The following MPHOSPH6 variants were observed in gnomAD, a reference collection of about 807,000 sequenced individuals.
The protein encoded by MPHOSPH6 is M-phase phosphoprotein 6.
MPHOSPH6 carries 25 observed loss-of-function variants against 21.8 expected under a neutral mutation model. The ratio of observed to expected loss-of-function variants is 1.15; its 90% confidence interval spans 0.83 to 1.60. MPHOSPH6 has a LOEUF of 1.60. MPHOSPH6 is among the 40% of genes most tolerant of loss of function. MPHOSPH6 has a pLI of 0.00. For missense variants in MPHOSPH6, 269 were observed against 181.8 expected (o/e 1.48, Z -2.76); for synonymous variants, 84 against 56.5 (o/e 1.49, Z -2.18).
chr16:82,149,206 A>C (rs1906183537), intron 4 of MPHOSPH6, 103 bp downstream of exon 4: 1 of 1,174,150 alleles, frequency 8.5e-7, no homozygotes, highest in African/African-American at 1.5e-5. Flanking sequence ...CTACTGGGGG[A>C]CTCCCTTGAA....
chr16:82,158,032 C>G (rs1906484802), intron 2 of MPHOSPH6, among the ~76,000 whole-genome samples: 1 of 152,024 alleles, frequency 6.6e-6, no homozygotes, highest in Non-Finnish European at 1.5e-5. Context: ...ACCAGACTAC[C>G]CTGGTAGTTA....
chr16:82,155,481 C>T (rs979578198), intron 2 of MPHOSPH6, among the ~76,000 whole-genome samples: 1 of 152,182 alleles, frequency 6.6e-6, no homozygotes, highest in Non-Finnish European at 1.5e-5. Context: ...CAACGTACAA[C>T]CTTCAATTTC....
At chr16:82,159,835 C>T (rs1906551602) in intron 2 of MPHOSPH6, among the ~76,000 whole-genome samples, 1 of 152,182 alleles carries the variant, frequency 6.6e-6, no homozygotes, top group Non-Finnish European at 1.5e-5. Context: ...TTCAGAACCG[C>T]CTCTCCCTGA....
intron 1 of MPHOSPH6, among the ~76,000 whole-genome samples, chr16:82,168,771 C>T (rs10514533): frequency 0.012 from 1,857 of 152,204 alleles, 55 homozygotes; most frequent in African/African-American, 0.043. Flanking sequence ...TGCGAATGGC[C>T]TATCTTTCAA....
At chr16:82,166,527 A>G (rs2142419936) in intron 1 of MPHOSPH6, among the ~76,000 whole-genome samples, 1 of 152,304 alleles carries the variant, frequency 6.6e-6, no homozygotes, top group African/African-American at 2.4e-5. Flanking sequence ...CAACACTGGA[A>G]TATTGTTCAC....
intron 2 of MPHOSPH6, among the ~76,000 whole-genome samples, chr16:82,155,683 C>A (rs943401973): frequency 1.3e-5 from 2 of 152,108 alleles, no homozygotes; most frequent in Admixed American, 1.3e-4. Context: ...GTGGGCAGAT[C>A]ACTTGAGGTC....
chr16:82,157,378 C>G (rs1339416713), intron 2 of MPHOSPH6, among the ~76,000 whole-genome samples: 1 of 152,208 alleles, frequency 6.6e-6, no homozygotes, highest in Non-Finnish European at 1.5e-5. Context: ...ATTTTGCTGA[C>G]ACAGTTAAGC....
intron 2 of MPHOSPH6, among the ~76,000 whole-genome samples, chr16:82,162,888 C>G (rs904946262): frequency 5.3e-5 from 8 of 152,170 alleles, no homozygotes; most frequent in African/African-American, 1.9e-4. Context: ...AAGATAGAAA[C>G]AGTCCTGCTC....
intron 2 of MPHOSPH6, among the ~76,000 whole-genome samples, chr16:82,157,840 C>A (rs964009876): frequency 9.9e-5 from 15 of 152,176 alleles, no homozygotes; most frequent in Non-Finnish European, 1.6e-4. Context: ...GGGAATCTAA[C>A]CTGCCTGAGA....
chr16:82,155,830 G>A (rs1329158793), intron 2 of MPHOSPH6, among the ~76,000 whole-genome samples: 8 of 151,952 alleles, frequency 5.3e-5, no homozygotes, highest in Admixed American at 1.3e-4. Flanking sequence ...GCCTGAACCC[G>A]GGAGGTGGAG....
chr16:82,153,222 A>G (rs1223466678), intron 2 of MPHOSPH6, among the ~76,000 whole-genome samples: 3 of 152,258 alleles, frequency 2.0e-5, no homozygotes, highest in Non-Finnish European at 4.4e-5. Context: ...AAACATTTAT[A>G]TCACACAATG....
chr16:82,166,187 A>G (rs1352201190), intron 1 of MPHOSPH6, among the ~76,000 whole-genome samples: 1 of 152,216 alleles, frequency 6.6e-6, no homozygotes, highest in Non-Finnish European at 1.5e-5. Context: ...ATCCCTGTAC[A>G]CTTTTTGCAA....
intron 1 of MPHOSPH6, among the ~76,000 whole-genome samples, chr16:82,165,293 T>C (rs1472471540): frequency 6.6e-6 from 1 of 151,556 alleles, no homozygotes; most frequent in African/African-American, 2.4e-5. Context: ...ACCCAGCTAA[T>C]TTTTCTGTTT....
rs572737488 is a variant in MPHOSPH6, at chr16:82,148,846, C to T, written c.368G>A (p.Gly123Glu). ...EMARRYETLV[G>E]TIGKKFARKR... ...TCTGGCAAACTTTTTCCCAATTGTC[C>T]CCACCAAGGTCTCATATCTGTCAAG... is the stretch of plus-strand genomic sequence containing the variant. Residue 123 changes from glycine to glutamate, a missense_variant, in exon 5 of 5, where the codon GGG becomes GAG. Coordinates refer to ENST00000258169, the MANE Select transcript of MPHOSPH6 (RefSeq NM_005792.2). 10 of 1,613,968 alleles carry T rather than the reference C, an allele frequency of 6.2e-6. No individual in the cohort carries two copies. In the South Asian group the frequency reaches 7.7e-5, roughly 12 times the overall value.
intron 2 of MPHOSPH6, among the ~76,000 whole-genome samples, chr16:82,157,919 T>C (rs1419552627): frequency 2.0e-5 from 3 of 152,196 alleles, no homozygotes; most frequent in East Asian, 3.9e-4. Context: ...GTTACTTGCA[T>C]GATAACATTA....
At chr16:82,164,361 C>T (rs969068181) in intron 1 of MPHOSPH6, among the ~76,000 whole-genome samples, 167 bp from the exon 2 acceptor site, 1 of 152,202 alleles carries the variant, frequency 6.6e-6, no homozygotes, top group Non-Finnish European at 1.5e-5. Flanking sequence ...ACCCTTCCAA[C>T]TTTACACTAG....
intron 3 of MPHOSPH6, 126 bp from the exon 4 acceptor site, chr16:82,149,529 G>T: frequency 1.3e-6 from 1 of 783,690 alleles, no homozygotes. Flanking sequence ...AATTGATAAG[G>T]GACTCTCTGT....
At chr16:82,151,265 C>T (rs903955202) in intron 3 of MPHOSPH6, 159 bp downstream of exon 3, 4 of 1,049,284 alleles carry the variant, frequency 3.8e-6, no homozygotes, top group African/African-American at 1.6e-5. Flanking sequence ...ACTGCAATGC[C>T]TCCAATTTCT....
chr16:82,161,433 A>C (rs890826134), intron 2 of MPHOSPH6, among the ~76,000 whole-genome samples: 2 of 152,198 alleles, frequency 1.3e-5, no homozygotes, highest in Non-Finnish European at 2.9e-5. Flanking sequence ...TACTTCTTAA[A>C]CAACTTGCTA....
Sources: allele counts gnomAD v4.1 joint callset (sites outside exome capture counted in the v4.1 genomes callset), GRCh38; gene constraint gnomAD v4.1.1; transcripts MANE v1.5; gene names NCBI Gene and HGNC (gene_info 2026-07-23, HGNC 2026-07-21).